CACNB4: variants seen among roughly 807,000 people sequenced by gnomAD.
CACNB4 encodes voltage-dependent L-type calcium channel subunit beta-4.
CACNB4 carries 32 observed loss-of-function variants against 71.2 expected under a neutral mutation model. The ratio of observed to expected loss-of-function variants is 0.45; its 90% CI spans 0.34 to 0.60. The LOEUF is 0.60. Ranked by LOEUF, CACNB4 falls within the 20% of genes least tolerant of loss-of-function variation. The pLI, the probability that CACNB4 is intolerant of heterozygous loss-of-function variation, is 0.01. For synonymous variants in CACNB4, 231 were observed against 236.9 expected (o/e 0.97, Z 0.23); for missense variants, 464 against 647.9 (o/e 0.72, Z 3.08).
intron 2 of CACNB4, among the ~76,000 whole-genome samples, chr2:151,918,273 C>T (rs1032828534): frequency 1.3e-5 from 2 of 152,162 alleles, no homozygotes; most frequent in East Asian, 1.9e-4. Context: ...TCAACAAGTA[C>T]GTACTAAGCA....
rs758612099 is a variant in CACNB4, at chr2:152,035,622, TCC to T, written c.147+62706_147+62707del. ...CTCTCTTTCTCTCTCTCTCTCTCCCTCCCTCTCCCTCTCTCTCTCTCTCTCTC... is the reference window on the plus strand; with the variant it reads ...CTCTCTTTCTCTCTCTCTCTCTCCCTCTCTCCCTCTCTCTCTCTCTCTCTC... On this transcript the variant is annotated intron_variant, in intron 2 of 13. Transcript: ENST00000539935. Among the ~76,000 whole-genome samples, 462 of 74,002 alleles carry T rather than the reference TCC, an allele frequency of 6.2e-3. 1 individual carries two copies. The highest frequency in any genetic ancestry group is 8.7e-3 in the East Asian group (15 of 1,730). The allele number at this position is 74,002 out of a possible 152,430, so 48.5% of individuals were successfully genotyped here.
intron 2 of CACNB4, among the ~76,000 whole-genome samples, chr2:152,019,205 T>C (rs568001981): frequency 3.9e-5 from 6 of 152,318 alleles, no homozygotes; most frequent in South Asian, 2.1e-4. Context: ...GTTACCCAGA[T>C]AGTAATTTTC....
Position 152,013,883 on chromosome 2 carries a change from C to T in CACNB4, c.147+84447G>A, listed in dbSNP as rs1683197970. Among the ~76,000 whole-genome samples the T allele has an allele frequency of 2.6e-5, 4 of 152,190 alleles. No homozygotes were observed. In the South Asian group the frequency reaches 8.3e-4, roughly 31 times the overall value. Reference sequence around the variant, plus strand: ...AGCTTTGCTCCATATGGATGAAATGCTTCTAGGTCTCCAGAGCCAACACGG... The same window carrying T: ...AGCTTTGCTCCATATGGATGAAATGTTTCTAGGTCTCCAGAGCCAACACGG... On this transcript the variant is annotated intron_variant, in intron 2 of 13. Transcript: ENST00000539935.
chr2:151,840,056 T>C (rs2099835784), intron 13 of CACNB4, among the ~76,000 whole-genome samples: 1 of 152,240 alleles, frequency 6.6e-6, no homozygotes, highest in African/African-American at 2.4e-5. Flanking sequence ...TAATTGAAAT[T>C]AGCATCTTAA....
intron 2 of CACNB4, among the ~76,000 whole-genome samples, chr2:152,052,914 G>A (rs1011776434): frequency 6.6e-6 from 1 of 151,932 alleles, no homozygotes; most frequent in African/African-American, 2.4e-5. Context: ...CCCGGGAGAT[G>A]GAGGTTGCAG....
At chr2:152,048,251 G>A (rs757174632) in intron 2 of CACNB4, among the ~76,000 whole-genome samples, 44 of 152,096 alleles carry the variant, frequency 2.9e-4, no homozygotes, top group Non-Finnish European at 5.6e-4. Flanking sequence ...ATTACCAAAA[G>A]TTCCCTGGGG....
intron 2 of CACNB4, among the ~76,000 whole-genome samples, chr2:151,897,872 A>G (rs1440115724): frequency 1.3e-5 from 2 of 152,250 alleles, no homozygotes; most frequent in South Asian, 2.1e-4. Flanking sequence ...CCAAGGAATC[A>G]CACAATGCAG....
intron 2 of CACNB4, among the ~76,000 whole-genome samples, chr2:152,065,352 C>A (rs2105348590): frequency 6.7e-6 from 1 of 149,902 alleles, no homozygotes; most frequent in African/African-American, 2.5e-5. Context: ...CACTGCACTC[C>A]AACCTGGGTG....
intron 10 of CACNB4, chr2:151,859,279 T>C (rs537072127): frequency 6.6e-6 from 1 of 152,308 alleles, no homozygotes; most frequent in South Asian, 2.1e-4. Context: ...GGTGAATGGA[T>C]TGTAAGGAAT....
In CACNB4 at chr2:152,046,322, A is replaced by G. The variant is rs550107819; in HGVS notation, c.147+52008T>C. ...AAAAGACAGCTTATTAGAAACACAA[A>G]TGCACACTGTGGCTCAGGAAGGTAA... On this transcript the variant is annotated intron_variant, in intron 2 of 13. Transcript: ENST00000539935. 3.2e-3 allele frequency among the ~76,000 whole-genome samples: 490 copies of G among 152,306 alleles called. 4 individuals are homozygous for G. Among genetic ancestry groups the G allele is most frequent in the Non-Finnish European group, 4.5e-3 (309 of 68,024 alleles).
intron 2 of CACNB4, among the ~76,000 whole-genome samples, chr2:152,086,906 G>C (rs773123848): frequency 6.6e-6 from 1 of 151,894 alleles, no homozygotes; most frequent in Non-Finnish European, 1.5e-5. Flanking sequence ...TGAGGTGGGC[G>C]GATCACCTGA....
At chr2:152,064,975 A>G (rs1285917954) in intron 2 of CACNB4, among the ~76,000 whole-genome samples, 1 of 152,184 alleles carries the variant, frequency 6.6e-6, no homozygotes, top group Non-Finnish European at 1.5e-5. Flanking sequence ...CAGCGCTCCT[A>G]TGAAACTTCA....
At chr2:151,915,822 G>C (rs1423920824) in intron 2 of CACNB4, among the ~76,000 whole-genome samples, 1 of 135,500 alleles carries the variant, frequency 7.4e-6, no homozygotes, top group Non-Finnish European at 1.5e-5. Context: ...ACTCCAGCTT[G>C]GGCAACAAGA....
At position 151,836,844 on chromosome 2, in the gene CACNB4, A is replaced by G. The variant is rs2099834999; in HGVS notation, c.*2275T>C. Reference sequence around the variant, plus strand: ...CCATAAAATGTAAGTATCTTAAAGTAGTTAAATGACCAAACTGCTAATGCT... The same window carrying G: ...CCATAAAATGTAAGTATCTTAAAGTGGTTAAATGACCAAACTGCTAATGCT... On this transcript the variant is annotated 3_prime_UTR_variant, in exon 14 of 14. Transcript: ENST00000539935. 1 of 152,032 alleles carries G rather than the reference A, an allele frequency of 6.6e-6. No homozygotes were observed. The highest frequency in any genetic ancestry group is 2.4e-5 in the African/African-American group (1 of 41,452). The allele number at this position is 152,032 out of a possible 1,614,324, so 9.4% of individuals were successfully genotyped here.
rs57180676 is a variant in CACNB4 at position 151,987,435 on chromosome 2, G to A, written c.148-104065C>T. 9.4e-3 allele frequency among the ~76,000 whole-genome samples: 1,429 copies of A among 152,152 alleles called. 24 individuals carry two copies. Among genetic ancestry groups the A allele is most frequent in the African/African-American group, 0.032 (1,336 of 41,496 alleles). On this transcript the variant is annotated intron_variant, in intron 2 of 13. Transcript: ENST00000539935. ...TGCCTGCCTTTGGATGGTCTCTACCGCAGACATCATCCTCAAAAAAGCCTC... is the reference window on the plus strand; with the variant it reads ...TGCCTGCCTTTGGATGGTCTCTACCACAGACATCATCCTCAAAAAAGCCTC...
At chr2:152,023,418 A>G (rs1392728235) in intron 2 of CACNB4, among the ~76,000 whole-genome samples, 1 of 117,546 alleles carries the variant, frequency 8.5e-6, no homozygotes, top group Non-Finnish European at 1.7e-5. Context: ...GATAAAGGCC[A>G]CCGTAAAAGT....
chr2:152,027,529 C>T (rs1684041984), intron 2 of CACNB4, among the ~76,000 whole-genome samples: 2 of 152,180 alleles, frequency 1.3e-5, no homozygotes, highest in African/African-American at 2.4e-5. Flanking sequence ...ACAGGAAAGC[C>T]ATGTGCTACC....
chr2:152,092,648 G>A (rs1032822085), intron 2 of CACNB4, among the ~76,000 whole-genome samples: 3 of 151,700 alleles, frequency 2.0e-5, no homozygotes, highest in Non-Finnish European at 4.4e-5. Flanking sequence ...TCAAATGAAT[G>A]TCTTAAATGC....
intron 9 of CACNB4, chr2:151,868,170 A>G (rs1490367353): frequency 2.0e-5 from 3 of 152,238 alleles, no homozygotes; most frequent in Admixed American, 6.5e-5. Context: ...ATACCAATTT[A>G]TTAAAATCTA....
Sources: gnomAD v4.1 joint callset for allele counts (sites outside exome capture counted in the v4.1 genomes callset) on GRCh38, gnomAD v4.1.1 for gene constraint, MANE v1.5 for transcripts, NCBI Gene and HGNC (gene_info 2026-07-23, HGNC 2026-07-21) for gene names.